Variants in CSF1R observed in about 807,000 individuals in gnomAD.
CSF1R encodes the protein macrophage colony-stimulating factor 1 receptor.
A neutral mutation model predicts 110.0 loss-of-function variants in CSF1R; 40 were observed. The observed-to-expected ratio is 0.36, with a 90% CI of 0.28 to 0.47. The LOEUF is 0.47. CSF1R is among the 20% of genes least tolerant of loss of function. CSF1R has a pLI of 0.99. For missense variants in CSF1R, 1,052 were observed against 1,253.0 expected (o/e 0.84, Z 2.42); for synonymous variants, 523 against 503.4 (o/e 1.04, Z -0.52).
At position 150,078,217 on chromosome 5, in the gene CSF1R, C is replaced by G. The variant is rs937811232; in HGVS notation, c.624G>C (p.Val208=). 1 of 1,614,136 alleles carries G rather than the reference C, an allele frequency of 6.2e-7. No individual in the cohort carries two copies. ...VIPGPPALTL[V]PAELVRIRGE... ...CTCGAATCCGCACCAGCTCTGCAGG[C>G]ACCAGTGTCAAGGCTGGGGGCCCTG... Residue 208 remains valine, a synonymous_variant, in exon 4 of 21, where the codon GTG becomes GTC. Transcript: ENST00000675795.
intron 1 of CSF1R, among the ~76,000 whole-genome samples, chr5:150,108,204 C>T (rs992982630): frequency 6.6e-6 from 1 of 152,092 alleles, no homozygotes; most frequent in Non-Finnish European, 1.5e-5. Context: ...ATAAGAGGCA[C>T]AGACAAAGGA....
At chr5:150,084,964 G>A (rs917652208) in intron 1 of CSF1R, among the ~76,000 whole-genome samples, 8 of 152,004 alleles carry the variant, frequency 5.3e-5, no homozygotes, top group African/African-American at 1.5e-4. Context: ...GCTTTCTACT[G>A]CATGTAAGTT....
At chr5:150,091,162 T>C (rs1759025706), upstream of CSF1R, among the ~76,000 whole-genome samples, 1 of 152,130 alleles carries the variant, frequency 6.6e-6, no homozygotes. Context: ...TGTGGAGAAA[T>C]TGGAACCTTT....
intron 10 of CSF1R, among the ~76,000 whole-genome samples, chr5:150,063,915 A>G (rs1285978109): frequency 6.6e-6 from 1 of 152,160 alleles, no homozygotes; most frequent in Admixed American, 6.5e-5. Context: ...AGAAACTTAA[A>G]GGAAGTGTGG....
At chr5:150,057,242 GCACAGAC>G (rs1342293518) in intron 16 of CSF1R, 38 bp downstream of exon 16, 7 of 1,556,354 alleles carry the variant, frequency 4.5e-6, no homozygotes, top group Non-Finnish European at 6.2e-6. Context: ...CCTCCCCGGA[GCACAGAC>G]CTGGGTGGCT....
At position 150,068,089 on chromosome 5, in the gene CSF1R, C is replaced by T. The variant is rs1373830531; in HGVS notation, c.1626+126G>A. 3 of 720,874 alleles carry T rather than the reference C, an allele frequency of 4.2e-6. No individual in the cohort carries two copies. In the Admixed American group the frequency reaches 6.5e-5, roughly 16 times the overall value. The allele number at this position is 720,874 out of a possible 1,614,324, so 44.7% of individuals were successfully genotyped here. On this transcript the variant is annotated intron_variant, in intron 10 of 20. Transcript: ENST00000675795. ...GACTCATGTTGGCATACAGTAGGCA[C>T]CCACTAAAGAGCTGTTAGCTGATGG...
At chr5:150,058,414 A>T (rs957894387) in intron 14 of CSF1R, 1 of 425,254 alleles carries the variant, frequency 2.4e-6, no homozygotes, top group Non-Finnish European at 4.7e-6. Flanking sequence ...GACAATGTCC[A>T]TATTCTAGTG....
At chr5:150,067,238 T>A (rs768339000) in intron 10 of CSF1R, 10 of 152,040 alleles carry the variant, frequency 6.6e-5, no homozygotes, top group Non-Finnish European at 1.0e-4. Context: ...AGCTTCCTGA[T>A]GGGTAAGATA....
In CSF1R at chr5:150,057,753, G is replaced by A. The variant is rs146572190; in HGVS notation, c.2133-161C>T. ...TCTGAGTGAGCATTGGTCTCTGCTCGGCTGTCCCCGGTGAGGGAGCTTACA... is the reference window on the plus strand; with the variant it reads ...TCTGAGTGAGCATTGGTCTCTGCTCAGCTGTCCCCGGTGAGGGAGCTTACA... On this transcript the variant is annotated intron_variant, in intron 14 of 20. Transcript: ENST00000675795. Among the ~76,000 whole-genome samples the A allele has an allele frequency of 1.0e-3, 158 of 152,298 alleles. 1 individual carries two copies. Among genetic ancestry groups the A allele is most frequent in the East Asian group, 3.1e-3 (16 of 5,184 alleles).
intron 5 of CSF1R, among the ~76,000 whole-genome samples, chr5:150,076,433 T>C (rs1758272277): frequency 6.6e-6 from 1 of 152,114 alleles, no homozygotes; most frequent in South Asian, 2.1e-4. Flanking sequence ...ATTTTACAGG[T>C]AGGAAAACTG....
At position 150,105,367 on chromosome 5, in the gene CSF1R, T is replaced by A. The variant is rs1288708450; in HGVS notation, c.-181+7894A>T. ...TGTCTCAAAAAAAAAAAAAAAAATATATATATATATATATATATTTTTTTT... is the reference window on the plus strand; with the variant it reads ...TGTCTCAAAAAAAAAAAAAAAAATAAATATATATATATATATATTTTTTTT... On this transcript the variant is annotated intron_variant, in intron 1 of 21. Coordinates refer to the CSF1R transcript ENST00000286301. Among the ~76,000 whole-genome samples the A allele has an allele frequency of 2.4e-3, 214 of 89,782 alleles. 1 individual carries two copies. Among genetic ancestry groups the A allele is most frequent in the African/African-American group, 0.01 (196 of 19,270 alleles). The allele number at this position is 89,782 out of a possible 152,430, so 58.9% of individuals were successfully genotyped here. A position where few individuals can be genotyped will look rare whatever the true frequency, so the allele number is the denominator to read the frequency against.
At chr5:150,076,279 C>T (rs1758253869) in intron 5 of CSF1R, among the ~76,000 whole-genome samples, 1 of 152,226 alleles carries the variant, frequency 6.6e-6, no homozygotes, top group Non-Finnish European at 1.5e-5. Flanking sequence ...CTGGTGCACA[C>T]TTGGACAGCA....
At chr5:150,074,086 A>G (rs1011959641) in intron 5 of CSF1R, among the ~76,000 whole-genome samples, 2 of 152,176 alleles carry the variant, frequency 1.3e-5, no homozygotes, top group Admixed American at 1.3e-4. Context: ...TGGATCAGAT[A>G]CTACAAGGCG....
chr5:150,058,691 GCCC>G (rs1207068147), intron 14 of CSF1R, among the ~76,000 whole-genome samples: 2 of 151,984 alleles, frequency 1.3e-5, no homozygotes. Context: ...ATGCTGCCAG[GCCC>G]CCATTTTTAA....
chr5:150,062,083 A>G (rs538730995), intron 10 of CSF1R, among the ~76,000 whole-genome samples: 1 of 152,136 alleles, frequency 6.6e-6, no homozygotes, highest in South Asian at 2.1e-4. Flanking sequence ...CTGTTTCACT[A>G]TTTGTGTATT....
chr5:150,058,594 T>C (rs1487008909), intron 14 of CSF1R, among the ~76,000 whole-genome samples: 1 of 152,196 alleles, frequency 6.6e-6, no homozygotes, highest in Non-Finnish European at 1.5e-5. Flanking sequence ...AGCTAATACT[T>C]TCCTTTGGTG....
chr5:150,088,436 T>C (rs1265756178), upstream of CSF1R, among the ~76,000 whole-genome samples: 1 of 152,132 alleles, frequency 6.6e-6, no homozygotes, highest in Non-Finnish European at 1.5e-5. Context: ...ACCAAGACAT[T>C]GCCAGAAAAG....
rs1757481879 is a variant in CSF1R, at chr5:150,060,896, G to A, written c.1935C>T (p.Asn645=). 6.2e-7 allele frequency: 1 copy of A among 1,611,416 alleles called. No homozygotes were observed. The highest frequency in any genetic ancestry group is 2.2e-5 in the East Asian group (1 of 44,852). Reference sequence around the variant, plus strand: ...TACAGGCTCCCAGAAGGTTGACGATGTTCTCGTGCTGGCCCAGGTGGCTCA... The same window carrying A: ...TACAGGCTCCCAGAAGGTTGACGATATTCTCGTGCTGGCCCAGGTGGCTCA... The part of the protein sequence containing the change: ...KIMSHLGQHE[N]IVNLLGACTH... Residue 645 remains asparagine, a synonymous_variant, in exon 13 of 21, where the codon AAC becomes AAT. Transcript: ENST00000675795.
intron 1 of CSF1R, chr5:150,094,376 C>T (rs1759144535): frequency 5.0e-6 from 8 of 1,599,798 alleles, no homozygotes; most frequent in South Asian, 2.2e-5. Context: ...GAAGGAATTT[C>T]GCAGAGCTGA....
Sources: allele counts gnomAD v4.1 joint callset (sites outside exome capture counted in the v4.1 genomes callset), GRCh38; gene constraint gnomAD v4.1.1; transcripts MANE v1.5; gene names NCBI Gene and HGNC (gene_info 2026-07-23, HGNC 2026-07-21).